The following SUCLA2 variants were observed in gnomAD, a reference collection of about 807,000 sequenced individuals.
The protein encoded by SUCLA2 is succinate-CoA ligase ADP-forming subunit beta, also known as succinate--CoA ligase [ADP-forming] subunit beta, mitochondrial.
SUCLA2 carries 30 observed loss-of-function variants against 54.8 expected under a neutral mutation model. The ratio of observed to expected loss-of-function variants is 0.55; its 90% CI spans 0.41 to 0.74. The LOEUF is 0.74. Among genes scored for constraint, SUCLA2 ranks in the 30% least tolerant of loss-of-function variants. SUCLA2 has a pLI of 0.00. For synonymous variants in SUCLA2, 172 were observed against 188.9 expected (o/e 0.91, Z 0.74); for missense variants, 476 against 562.9 (o/e 0.85, Z 1.56).
intron 4 of SUCLA2, among the ~76,000 whole-genome samples, chr13:47,978,823 A>C (rs1242310125): frequency 1.3e-5 from 2 of 152,218 alleles, no homozygotes; most frequent in African/African-American, 4.8e-5. Context: ...AATTTACAAG[A>C]AAAAAACAAC....
intron 4 of SUCLA2, chr13:47,987,574 C>T (rs1404205138): frequency 1.3e-5 from 2 of 151,826 alleles, no homozygotes; most frequent in Non-Finnish European, 2.9e-5. Flanking sequence ...ATTTTTACTA[C>T]CATCTAGTGT....
intron 4 of SUCLA2, among the ~76,000 whole-genome samples, chr13:47,979,641 T>C (rs1170708867): frequency 6.6e-6 from 1 of 151,798 alleles, no homozygotes; most frequent in Non-Finnish European, 1.5e-5. Flanking sequence ...ATAATAATAA[T>C]AAAAATAAAA....
chr13:47,952,664 T>C (rs1949785313), intron 8 of SUCLA2, among the ~76,000 whole-genome samples: 3 of 152,100 alleles, frequency 2.0e-5, no homozygotes. Context: ...TTACTGATAT[T>C]GCCTTTGTCA....
At chr13:47,990,946 C>A (rs1048052057) in intron 2 of SUCLA2, among the ~76,000 whole-genome samples, 2 of 152,176 alleles carry the variant, frequency 1.3e-5, no homozygotes, top group Admixed American at 1.3e-4. Flanking sequence ...TGACCCTATG[C>A]GTAGTCAGCC....
At chr13:47,998,899 T>C (rs1475639164) in intron 1 of SUCLA2, among the ~76,000 whole-genome samples, 1 of 152,134 alleles carries the variant, frequency 6.6e-6, no homozygotes, top group Non-Finnish European at 1.5e-5. Context: ...AAATTATACG[T>C]CAAAATAATA....
chr13:47,971,547 C>CT (rs897898114), intron 5 of SUCLA2: 165 of 253,054 alleles, frequency 6.5e-4, no homozygotes, highest in Middle Eastern at 2.3e-3. Flanking sequence ...TCAATGGGGG[C>CT]TTTTTTTTAG....
intron 4 of SUCLA2, among the ~76,000 whole-genome samples, chr13:47,986,030 T>TA (rs1491226119): frequency 7.9e-3 from 30 of 3,802 alleles, no homozygotes; most frequent in African/African-American, 0.014. Flanking sequence ...ATATGTATAG[T>TA]TTTTTTTTTT....
chr13:47,962,317 GT>G (rs2137705629), intron 6 of SUCLA2, among the ~76,000 whole-genome samples: 1 of 152,236 alleles, frequency 6.6e-6, no homozygotes. Flanking sequence ...TGGAAAATGT[GT>G]TTATTTGCAT....
At chr13:47,984,417 T>C (rs1950084215) in intron 4 of SUCLA2, among the ~76,000 whole-genome samples, 2 of 151,822 alleles carry the variant, frequency 1.3e-5, no homozygotes, top group Admixed American at 1.3e-4. Flanking sequence ...TTAGCCAGGA[T>C]GGTCTCGATC....
chr13:47,951,682 T>C (rs1037501865), intron 8 of SUCLA2, among the ~76,000 whole-genome samples: 2 of 152,212 alleles, frequency 1.3e-5, no homozygotes, highest in African/African-American at 4.8e-5. Context: ...TTCTATCCCA[T>C]GCAAGCTCTC....
intron 4 of SUCLA2, among the ~76,000 whole-genome samples, chr13:47,974,280 T>C (rs931757265): frequency 6.6e-6 from 1 of 152,082 alleles, no homozygotes; most frequent in African/African-American, 2.4e-5. Context: ...CTAGCCCTAC[T>C]GCAAGACAAT....
intron 6 of SUCLA2, 95 bp downstream of exon 6, chr13:47,968,500 G>A: frequency 6.9e-7 from 1 of 1,456,218 alleles, no homozygotes; most frequent in Non-Finnish European, 9.5e-7. Context: ...ATAGGTAGAA[G>A]TTTAACTACT....
At chr13:47,991,853 C>G (rs1183011337) in intron 2 of SUCLA2, among the ~76,000 whole-genome samples, 1 of 152,198 alleles carries the variant, frequency 6.6e-6, no homozygotes, top group East Asian at 1.9e-4. Context: ...TTCAATTACC[C>G]TGTCTCTACT....
rs1366859649 is a variant in SUCLA2 at position 47,943,764 on chromosome 13, G to GTA, written c.1318-320_1318-319insTA. ...TATGTATGTGTGTGTGTGTGTGTGT[G>GTA]TGTATATATATATATATTATTCTAA... is the stretch of plus-strand genomic sequence containing the variant. On this transcript the variant is annotated intron_variant, in intron 10 of 10. Transcript: ENST00000646932. 2.4e-4 allele frequency among the ~76,000 whole-genome samples: 33 copies of GTA among 137,986 alleles called. No homozygotes were observed. The South Asian group carries it at 7.9e-3, about 33-fold the overall frequency. The allele number at this position is 137,986 out of a possible 152,430, so 90.5% of individuals were successfully genotyped here. A position where few individuals can be genotyped will look rare whatever the true frequency, so the allele number is the denominator to read the frequency against.
chr13:47,961,247 T>C (rs1049548510), intron 6 of SUCLA2, among the ~76,000 whole-genome samples: 24 of 152,310 alleles, frequency 1.6e-4, no homozygotes, highest in African/African-American at 5.8e-4. Flanking sequence ...AAAGATTTTG[T>C]TTGCCTTCTG....
At chr13:47,996,088 C>T (rs953016200) in intron 2 of SUCLA2, among the ~76,000 whole-genome samples, 8 of 152,030 alleles carry the variant, frequency 5.3e-5, no homozygotes, top group South Asian at 2.1e-4. Flanking sequence ...CTTTGGGAGG[C>T]GGAGGCGGGC....
chr13:47,984,049 C>T (rs1191701259), intron 4 of SUCLA2, among the ~76,000 whole-genome samples: 6 of 152,170 alleles, frequency 3.9e-5, no homozygotes, highest in Admixed American at 3.9e-4. Flanking sequence ...TATAGTTCCA[C>T]ATTTAGTCAA....
intron 6 of SUCLA2, among the ~76,000 whole-genome samples, chr13:47,961,862 C>A (rs1472023589): frequency 2.0e-5 from 3 of 152,140 alleles, no homozygotes; most frequent in Non-Finnish European, 4.4e-5. Context: ...TTAATCTCCT[C>A]AAAAAGTGAC....
chr13:47,942,991 G>A lies in SUCLA2; in HGVS notation c.*380C>T, dbSNP rs879540740. 1.4e-4 allele frequency: 31 copies of A among 224,888 alleles called. No homozygotes were observed. Among genetic ancestry groups the A allele is most frequent in the Non-Finnish European group, 2.2e-4 (25 of 111,648 alleles). The allele number at this position is 224,888 out of a possible 1,614,324, so 13.9% of individuals were successfully genotyped here. ...ATATACTGCTCTACTAATGAGGCTAGTTATTAGATATACTGTATTTTAACA... is the reference window on the plus strand; with the variant it reads ...ATATACTGCTCTACTAATGAGGCTAATTATTAGATATACTGTATTTTAACA... On this transcript the variant is annotated 3_prime_UTR_variant, in exon 11 of 11. Coordinates refer to ENST00000646932, the MANE Select transcript of SUCLA2 (RefSeq NM_003850.3).
Sources: allele counts gnomAD v4.1 joint callset (sites outside exome capture counted in the v4.1 genomes callset), GRCh38; gene constraint gnomAD v4.1.1; transcripts MANE v1.5; gene names NCBI Gene and HGNC (gene_info 2026-07-23, HGNC 2026-07-21).